The following SRF variants were observed in gnomAD, a reference collection of about 807,000 sequenced individuals.
The protein encoded by SRF is serum response factor.
Under a neutral mutation model 37.1 loss-of-function variants are expected in SRF, and 7 were observed. That is an observed-to-expected ratio of 0.19 (90% CI 0.11 to 0.35). The LOEUF is 0.35. Ranked by LOEUF, SRF falls within the 10% of genes least tolerant of loss-of-function variation. The pLI is 1.00. For missense variants in SRF, 395 were observed against 694.4 expected (o/e 0.57, Z 4.85); for synonymous variants, 285 against 310.1 (o/e 0.92, Z 0.85).
chr6:43,174,735 G>A (rs1772167192), intron 2 of SRF, among the ~76,000 whole-genome samples: 2 of 152,244 alleles, frequency 1.3e-5, no homozygotes, highest in Admixed American at 1.3e-4. Context: ...GCCAATGGGA[G>A]GAAGCGGCAC....
In SRF at chr6:43,172,230, A is replaced by T. The variant is rs886130053; in HGVS notation, c.513+61A>T. On this transcript the variant is annotated intron_variant, in intron 1 of 6. Transcript: ENST00000265354. The surrounding 1 kb of genome is among the most constrained non-coding windows in gnomAD (Gnocchi z 5.7). ...GGTTGGGGTGGGGATGTGCAAAGGG[A>T]GCCCGGGAGGACCGCAGAGCCGAGG... is the stretch of plus-strand genomic sequence containing the variant. The T allele has an allele frequency of 4.2e-5, 66 of 1,564,482 alleles. No homozygotes were observed. The Admixed American group carries it at 1.2e-3, about 29-fold the overall frequency.
chr6:43,173,951 C>T lies in SRF; in HGVS notation c.618C>T (p.Ile206=). 1 of 1,614,166 alleles carries T rather than the reference C, an allele frequency of 6.2e-7. No homozygotes were observed. The highest frequency in any genetic ancestry group is 8.5e-7 in the Non-Finnish European group (1 of 1,180,022). ...TFATRKLQPM[I]TSETGKALIQ... is the part of the protein sequence containing the mutation. ...CCACCCGAAAACTGCAGCCCATGAT[C>T]ACCAGTGAGACCGGCAAGGCACTGA... The change falls in exon 2 of 7, where the codon ATC becomes ATT. Residue 206 remains isoleucine (I), a synonymous_variant. Coordinates refer to ENST00000265354, the MANE Select transcript of SRF (RefSeq NM_003131.4). The surrounding 1 kb of genome is among the most constrained non-coding windows in gnomAD (Gnocchi z 4.2).
At position 43,176,048 on chromosome 6, in the gene SRF, A is replaced by G; in HGVS notation, c.1042+81A>G. 6.5e-7 allele frequency: 1 copy of G among 1,539,696 alleles called. No individual in the cohort carries two copies. Among genetic ancestry groups the G allele is most frequent in the African/African-American group, 1.4e-5 (1 of 73,730 alleles). On this transcript the variant is annotated intron_variant, in intron 3 of 6. Coordinates refer to ENST00000265354, the MANE Select transcript of SRF (RefSeq NM_003131.4). This position sits in a 1 kb window ranked among gnomAD's most constrained non-coding sequence, Gnocchi z 4.0. ...TAAGAGTGTGTTTAGGGCTGGCACC[A>G]AGAGAACCTCTTTCCCTGCTCAGAA...
rs1772146978 is a variant in SRF, at chr6:43,173,668, T to C, written c.514-179T>C. Among the ~76,000 whole-genome samples the C allele has an allele frequency of 6.6e-6, 1 of 152,068 alleles. No individual in the cohort carries two copies. Among genetic ancestry groups the C allele is most frequent in the South Asian group, 2.1e-4 (1 of 4,824 alleles). ...GGGGCTGCTCCTCAAAGGAGGAGCATGGGTAGTTTTGCTGCTTCCAGAGAT... is the reference window on the plus strand; with the variant it reads ...GGGGCTGCTCCTCAAAGGAGGAGCACGGGTAGTTTTGCTGCTTCCAGAGAT... On this transcript the variant is annotated intron_variant, in intron 1 of 6. Transcript: ENST00000265354. This position sits in a 1 kb window ranked among gnomAD's most constrained non-coding sequence, Gnocchi z 4.2.
At position 43,179,181 on chromosome 6, in the gene SRF, G is replaced by A; in HGVS notation, c.1518G>A (p.Lys506=). 1 of 1,614,256 alleles carries A rather than the reference G, an allele frequency of 6.2e-7. No individual in the cohort carries two copies. The highest frequency in any genetic ancestry group is 1.1e-5 in the South Asian group (1 of 91,086). The change falls in exon 7 of 7, where the codon AAG becomes AAA. Residue 506 remains lysine (K), a synonymous_variant. Transcript: ENST00000265354. The surrounding 1 kb of genome is among the most constrained non-coding windows in gnomAD (Gnocchi z 5.3). ...VVNLDTAHST[K]SE Reference sequence around the variant, plus strand: ...ACCTGGACACCGCCCACAGCACCAAGAGTGAATGATCCGCCCGCCGCCCTG... The same window carrying A: ...ACCTGGACACCGCCCACAGCACCAAAAGTGAATGATCCGCCCGCCGCCCTG...
chr6:43,171,751 G>T lies in SRF; in HGVS notation c.95G>T (p.Gly32Val). The T allele has an allele frequency of 8.3e-7, 1 of 1,203,396 alleles. No individual in the cohort carries two copies. Among genetic ancestry groups the T allele is most frequent in the African/African-American group, 1.6e-5 (1 of 63,188 alleles). The allele number at this position is 1,203,396 out of a possible 1,614,324, so 74.5% of individuals were successfully genotyped here. ...LNRTPTGRPG[G>V]GGGTRGANGG... The stretch of plus-strand genomic sequence containing the variant: ...CGGACCCCGACGGGGCGGCCGGGCG[G>T]CGGCGGCGGGACACGCGGGGCTAAC... The change falls in exon 1 of 7, where the codon GGC becomes GTC. Residue 32 changes from glycine (G) to valine (V), a missense_variant. Transcript: ENST00000265354. The surrounding 1 kb of genome is among the most constrained non-coding windows in gnomAD (Gnocchi z 6.5).
Position 43,178,737 on chromosome 6 carries a change from A to T in SRF, c.1355-69A>T. The T allele has an allele frequency of 6.5e-7, 1 of 1,532,962 alleles. No homozygotes were observed. The highest frequency in any genetic ancestry group is 1.1e-5 in the South Asian group (1 of 89,564). The allele number at this position is 1,532,962 out of a possible 1,614,324, so 95.0% of individuals were successfully genotyped here. A position where few individuals can be genotyped will look rare whatever the true frequency, so the allele number is the denominator to read the frequency against. ...ACTGCCCCAGTCACTTGTGCATTTGACACCACTCCTCCAATATCTGGAAGT... is the reference window on the plus strand; with the variant it reads ...ACTGCCCCAGTCACTTGTGCATTTGTCACCACTCCTCCAATATCTGGAAGT... On this transcript the variant is annotated intron_variant, in intron 5 of 6. Transcript: ENST00000265354. This position sits in a 1 kb window ranked among gnomAD's most constrained non-coding sequence, Gnocchi z 4.3.
rs571201939 is a variant in SRF at position 43,174,107 on chromosome 6, G to C, written c.774G>C (p.Glu258Asp). 1.2e-6 allele frequency: 2 copies of C among 1,614,116 alleles called. No individual in the cohort carries two copies. Among genetic ancestry groups the C allele is most frequent in the Admixed American group, 1.7e-5 (1 of 60,016 alleles). Reference sequence around the variant, plus strand: ...TGTCGGAGTCTGACAGCAGTGGGGAGACCAAGGTGTGTTTGGGTTGCCTAT... The same window carrying C: ...TGTCGGAGTCTGACAGCAGTGGGGACACCAAGGTGTGTTTGGGTTGCCTAT... ...YQVSESDSSG[E>D]TKDTLKPAFT... The change falls in exon 2 of 7, where the codon GAG becomes GAC. Residue 258 changes from glutamate to aspartate, a missense_variant. Coordinates refer to ENST00000265354, the MANE Select transcript of SRF (RefSeq NM_003131.4).
chr6:43,172,204 C>G lies in SRF; in HGVS notation c.513+35C>G, dbSNP rs748289428. 3.1e-6 allele frequency: 5 copies of G among 1,591,652 alleles called. No homozygotes were observed. Among genetic ancestry groups the G allele is most frequent in the Non-Finnish European group, 4.3e-6 (5 of 1,173,964 alleles). Reference sequence around the variant, plus strand: ...CGGGGGGCTGGCCGGCCCCGGGGCCCGGTTGGGGTGGGGATGTGCAAAGGG... The same window carrying G: ...CGGGGGGCTGGCCGGCCCCGGGGCCGGGTTGGGGTGGGGATGTGCAAAGGG... On this transcript the variant is annotated intron_variant, in intron 1 of 6. Transcript: ENST00000265354. This position sits in a 1 kb window ranked among gnomAD's most constrained non-coding sequence, Gnocchi z 5.7.
At position 43,178,539 on chromosome 6, in the gene SRF, A is replaced by G; in HGVS notation, c.1354+54A>G. 2 of 1,535,140 alleles carry G rather than the reference A, an allele frequency of 1.3e-6. No homozygotes were observed. The highest frequency in any genetic ancestry group is 1.8e-6 in the Non-Finnish European group (2 of 1,120,096). On this transcript the variant is annotated intron_variant, in intron 5 of 6. Transcript: ENST00000265354. This position sits in a 1 kb window ranked among gnomAD's most constrained non-coding sequence, Gnocchi z 4.3. ...GAGGACCGTTTCCTTCTTTATACAC[A>G]CACACACACACACATACACACACAT...
At position 43,178,718 on chromosome 6, in the gene SRF, C is replaced by T; in HGVS notation, c.1355-88C>T. ...TTGGGCTCTTACATCTGAGACTGCCCCAGTCACTTGTGCATTTGACACCAC... is the reference window on the plus strand; with the variant it reads ...TTGGGCTCTTACATCTGAGACTGCCTCAGTCACTTGTGCATTTGACACCAC... On this transcript the variant is annotated intron_variant, in intron 5 of 6. Coordinates refer to ENST00000265354, the MANE Select transcript of SRF (RefSeq NM_003131.4). This position sits in a 1 kb window ranked among gnomAD's most constrained non-coding sequence, Gnocchi z 4.3. 2.8e-6 allele frequency: 4 copies of T among 1,436,564 alleles called. No homozygotes were observed. The highest frequency in any genetic ancestry group is 3.9e-6 in the Non-Finnish European group (4 of 1,022,114). 89.0% of individuals were successfully genotyped at this position (1,436,564 alleles called of 1,614,324 possible).
Position 43,171,429 on chromosome 6 carries a change from A to G in SRF, c.-228A>G, listed in dbSNP as rs1455851844. 2 of 286,644 alleles carry G rather than the reference A, an allele frequency of 7.0e-6. No individual in the cohort carries two copies. The highest frequency in any genetic ancestry group is 5.5e-5 in the Admixed American group (1 of 18,280). The allele number at this position is 286,644 out of a possible 1,614,324, so 17.8% of individuals were successfully genotyped here. A position where few individuals can be genotyped will look rare whatever the true frequency, so the allele number is the denominator to read the frequency against. On this transcript the variant is annotated 5_prime_UTR_variant, in exon 1 of 7. Transcript: ENST00000265354. The surrounding 1 kb of genome is among the most constrained non-coding windows in gnomAD (Gnocchi z 6.5). ...CGGCGCGCCGCCCTAGCAGACGGAC[A>G]GGGGGCGCTGCGCGCGGCCTGGGGC... is the stretch of plus-strand genomic sequence containing the variant.
chr6:43,174,250 C>A, intron 2 of SRF, 137 bp downstream of exon 2: 1 of 1,165,136 alleles, frequency 8.6e-7, no homozygotes, highest in East Asian at 2.6e-5. Flanking sequence ...GGACAGGTGT[C>A]CATCCTCACT....
intron 4 of SRF, among the ~76,000 whole-genome samples, chr6:43,177,443 G>A (rs1221541648): frequency 6.6e-6 from 1 of 150,924 alleles, no homozygotes; most frequent in Non-Finnish European, 1.5e-5. Flanking sequence ...TGTTAGCCAG[G>A]ATGGTCTCGA....
Position 43,172,423 on chromosome 6 carries a change from G to A in SRF, c.513+254G>A. On this transcript the variant is annotated intron_variant, in intron 1 of 6. Transcript: ENST00000265354. The surrounding 1 kb of genome is among the most constrained non-coding windows in gnomAD (Gnocchi z 5.7). ...AGAGGTGGGAGTGACCGGCGCCAGAGAGGAAGAGGGCCCTTGCTGAGTGAA... is the reference window on the plus strand; with the variant it reads ...AGAGGTGGGAGTGACCGGCGCCAGAAAGGAAGAGGGCCCTTGCTGAGTGAA... 3 of 985,446 alleles carry A rather than the reference G, an allele frequency of 3.0e-6. No homozygotes were observed. The highest frequency in any genetic ancestry group is 3.6e-6 in the Non-Finnish European group (3 of 829,930). The allele number at this position is 985,446 out of a possible 1,614,324, so 61.0% of individuals were successfully genotyped here.
rs1271543721 is a variant in SRF at position 43,180,662 on chromosome 6, G to C, written c.*1472G>C. 6.5e-6 allele frequency: 1 copy of C among 152,704 alleles called. No individual in the cohort carries two copies. Among genetic ancestry groups the C allele is most frequent in the Non-Finnish European group, 1.5e-5 (1 of 68,098 alleles). 9.5% of individuals were successfully genotyped at this position (152,704 alleles called of 1,614,324 possible). On this transcript the variant is annotated 3_prime_UTR_variant, in exon 7 of 7. Transcript: ENST00000265354. The stretch of plus-strand genomic sequence containing the variant: ...CTTGAGGGTGGGCCAGCATAGGGGG[G>C]AGGGTCTTTTACCCTGTGTCAGAGC...
Position 43,181,377 on chromosome 6 carries a change from T to A in SRF, c.*2187T>A, listed in dbSNP as rs754157684. The A allele has an allele frequency of 2.6e-5, 4 of 152,788 alleles. No homozygotes were observed. Among genetic ancestry groups the A allele is most frequent in the Middle Eastern group, 3.4e-3 (1 of 296 alleles). The allele number at this position is 152,788 out of a possible 1,614,324, so 9.5% of individuals were successfully genotyped here. On this transcript the variant is annotated 3_prime_UTR_variant, in exon 7 of 7. Coordinates refer to ENST00000265354, the MANE Select transcript of SRF (RefSeq NM_003131.4). Reference sequence around the variant, plus strand: ...GTGTGCTTGAATGTGAGTGTGTATGTCAGTGGTTTCTACTTCCCCTGGGAT... The same window carrying A: ...GTGTGCTTGAATGTGAGTGTGTATGACAGTGGTTTCTACTTCCCCTGGGAT...
rs1772107111 is a variant in SRF, at chr6:43,171,836, T to G, written c.180T>G (p.Ala60=). ...GGCCCGGCCGCCTGGAGCGGGAGGC[T>G]GCGGCAGCGGCGGCAACCACCCCGG... ...GLGPGRLERE[A]AAAAATTPAP... Residue 60 remains alanine, a synonymous_variant, in exon 1 of 7, where the codon GCT becomes GCG. Coordinates refer to ENST00000265354, the MANE Select transcript of SRF (RefSeq NM_003131.4). The surrounding 1 kb of genome is among the most constrained non-coding windows in gnomAD (Gnocchi z 6.5). The G allele has an allele frequency of 4.0e-6, 5 of 1,258,342 alleles. No individual in the cohort carries two copies. Among genetic ancestry groups the G allele is most frequent in the Non-Finnish European group, 4.0e-6 (4 of 1,003,640 alleles). The allele number at this position is 1,258,342 out of a possible 1,614,324, so 77.9% of individuals were successfully genotyped here.
Position 43,181,447 on chromosome 6 carries a change from G to T in SRF, c.*2257G>T, listed in dbSNP as rs181102628. 6.6e-5 allele frequency: 10 copies of T among 152,438 alleles called. No homozygotes were observed. The highest frequency in any genetic ancestry group is 2.4e-4 in the African/African-American group (10 of 41,324). 9.4% of individuals were successfully genotyped at this position (152,438 alleles called of 1,614,324 possible). ...ACATGGTCACAGTCCTATGTACAGA[G>T]CTTTCTTTTGTATTAAAAAAAAATA... On this transcript the variant is annotated 3_prime_UTR_variant, in exon 7 of 7. Coordinates refer to ENST00000265354, the MANE Select transcript of SRF (RefSeq NM_003131.4).
Sources: gnomAD v4.1 joint callset for allele counts (sites outside exome capture counted in the v4.1 genomes callset) on GRCh38, gnomAD v4.1.1 for gene constraint, Gnocchi (gnomAD v3.1) non-coding constraint, MANE v1.5 for transcripts, NCBI Gene and HGNC (gene_info 2026-07-23, HGNC 2026-07-21) for gene names.